Variants in CSMD2 observed in about 807,000 individuals in gnomAD.
CSMD2 encodes the protein CUB and Sushi multiple domains 2.
A neutral mutation model predicts 398.5 loss-of-function variants in CSMD2; 130 were observed. That is an observed-to-expected ratio of 0.33 (90% CI 0.28 to 0.38). The LOEUF (loss-of-function observed/expected upper bound fraction) is 0.38. Among genes scored for constraint, CSMD2 ranks in the 10% least tolerant of loss-of-function variants. The pLI is 1.00. For missense variants in CSMD2, 3,829 were observed against 4,764.9 expected (o/e 0.80, Z 5.78); for synonymous variants, 1,828 against 1,908.5 (o/e 0.96, Z 1.10).
In CSMD2 at chr1:33,714,789, A is replaced by G. The variant is rs758097308; in HGVS notation, c.3218-14T>C. 2 of 1,613,168 alleles carry G rather than the reference A, an allele frequency of 1.2e-6. No homozygotes were observed. Among genetic ancestry groups the G allele is most frequent in the Middle Eastern group, 1.7e-4 (1 of 6,044 alleles). Reference sequence around the variant, plus strand: ...CCAAGTCGTACTCTGGAAAGGTAGCAGGAGATCCGGGCTCAGAGACATTGC... The same window carrying G: ...CCAAGTCGTACTCTGGAAAGGTAGCGGGAGATCCGGGCTCAGAGACATTGC... On this transcript the variant is annotated splice_polypyrimidine_tract_variant and intron_variant, in intron 20 of 70. Coordinates refer to ENST00000373381, the MANE Select transcript of CSMD2 (RefSeq NM_001281956.2).
chr1:33,899,605 C>A (rs1642618003), intron 5 of CSMD2, among the ~76,000 whole-genome samples: 1 of 152,130 alleles, frequency 6.6e-6, no homozygotes, highest in African/African-American at 2.4e-5. Flanking sequence ...CCAGAAAAAT[C>A]ACCTTAGGAG....
upstream of CSMD2, among the ~76,000 whole-genome samples, chr1:34,165,461 TAAACCAC>T (rs1308718987): frequency 6.6e-6 from 1 of 152,242 alleles, no homozygotes; most frequent in Non-Finnish European, 1.5e-5. Context: ...CACCTCCAGA[TAAACCAC>T]AAATTACATC....
rs1655359207 is a variant in CSMD2 at position 34,068,444 on chromosome 1, A to G, written c.404+20533T>C. On this transcript the variant is annotated intron_variant, in intron 2 of 70. Coordinates refer to ENST00000373381, the MANE Select transcript of CSMD2 (RefSeq NM_001281956.2). ...AATACAAAAGATTAAAAAATTATTC[A>G]TAATCAAGCCATCCTCATACCCATG... 3.3e-5 allele frequency among the ~76,000 whole-genome samples: 5 copies of G among 152,264 alleles called. No individual in the cohort carries two copies. In the South Asian group the frequency reaches 1.0e-3, roughly 31 times the overall value.
chr1:33,693,035 CTCA>C lies in CSMD2; in HGVS notation c.3944_3946del (p.Val1315_Arg1316delinsGly). ...CAGCACCTGCCCCGACACCTCTCCT[CTCA>C]CTGTCCCTCCACACTCGGCTGAAAG... On this transcript the variant is annotated inframe_deletion, in exon 25 of 71. Coordinates refer to ENST00000373381, the MANE Select transcript of CSMD2 (RefSeq NM_001281956.2). The C allele has an allele frequency of 6.2e-7, 1 of 1,601,452 alleles. No homozygotes were observed. The highest frequency in any genetic ancestry group is 1.1e-5 in the South Asian group (1 of 88,916).
chr1:34,016,476 C>T (rs1453380676), intron 3 of CSMD2, among the ~76,000 whole-genome samples: 4 of 152,142 alleles, frequency 2.6e-5, no homozygotes, highest in Admixed American at 1.3e-4. Flanking sequence ...CTGCTAAGGA[C>T]ATGAACTCAT....
intron 5 of CSMD2, among the ~76,000 whole-genome samples, chr1:33,888,291 G>A (rs531878490): frequency 5.3e-5 from 8 of 152,188 alleles, no homozygotes; most frequent in African/African-American, 1.7e-4. Context: ...AAAAGTAAAC[G>A]CACAACAATT....
intron 64 of CSMD2, among the ~76,000 whole-genome samples, chr1:33,531,925 T>A (rs971108002): frequency 3.9e-5 from 6 of 152,226 alleles, no homozygotes; most frequent in Admixed American, 3.9e-4. Flanking sequence ...TAAACATAAC[T>A]AATGCCACTG....
In CSMD2 at chr1:33,743,190, C is replaced by T. The variant is rs1252444871; in HGVS notation, c.2173+90G>A. ...TGCCCTGGGAACTGCCCCATCCACA[C>T]CTCCTCCTCCCTCCATGGGAGCACC... On this transcript the variant is annotated intron_variant, in intron 14 of 70. Coordinates refer to ENST00000373381, the MANE Select transcript of CSMD2 (RefSeq NM_001281956.2). The T allele has an allele frequency of 9.8e-6, 11 of 1,122,346 alleles. No homozygotes were observed. In the East Asian group the frequency reaches 1.0e-4, roughly 10 times the overall value. 69.5% of individuals were successfully genotyped at this position (1,122,346 alleles called of 1,614,324 possible). A position where few individuals can be genotyped will look rare whatever the true frequency, so the allele number is the denominator to read the frequency against.
At chr1:34,130,999 G>T (rs1663287034) in intron 1 of CSMD2, among the ~76,000 whole-genome samples, 1 of 152,078 alleles carries the variant, frequency 6.6e-6, no homozygotes, top group Admixed American at 6.5e-5. Flanking sequence ...CATATAGTAG[G>T]TGTTCAATAA....
At chr1:33,784,214 C>A (rs564403645) in intron 12 of CSMD2, among the ~76,000 whole-genome samples, 2 of 152,148 alleles carry the variant, frequency 1.3e-5, no homozygotes, top group South Asian at 4.1e-4. Flanking sequence ...AGGATAGACT[C>A]TGAGGGGCAG....
chr1:34,165,268 C>A, upstream of CSMD2: 1 of 1,185,378 alleles, frequency 8.4e-7, no homozygotes, highest in East Asian at 3.7e-5. Context: ...AGGCGCGCTG[C>A]GCTCTCGGAA....
intron 2 of CSMD2, among the ~76,000 whole-genome samples, chr1:34,066,403 C>T (rs1446157355): frequency 6.6e-6 from 1 of 152,188 alleles, no homozygotes. Flanking sequence ...TCCTCTCCCT[C>T]AGCGTTCCCT....
chr1:33,918,035 T>A lies in CSMD2; in HGVS notation c.920+59A>T, dbSNP rs1643814134. The A allele has an allele frequency of 2.6e-6, 4 of 1,511,258 alleles. No individual in the cohort carries two copies. In the South Asian group the frequency reaches 4.6e-5, roughly 17 times the overall value. The allele number at this position is 1,511,258 out of a possible 1,614,324, so 93.6% of individuals were successfully genotyped here. On this transcript the variant is annotated intron_variant, in intron 5 of 70. Transcript: ENST00000373381. ...CCAGGCACTGAGGAGACTGCAAGCA[T>A]CCCAGTAATTCACAGTTGCAGAGAA...
intron 2 of CSMD2, among the ~76,000 whole-genome samples, chr1:34,038,064 G>T (rs4653381): frequency 0.09 from 13,625 of 152,132 alleles, 777 homozygotes; most frequent in East Asian, 0.2. Flanking sequence ...TGGGGGAGGG[G>T]ATGGGAAATT....
rs112908856 is a variant in CSMD2 at position 33,978,723 on chromosome 1, G to A, written c.518-42769C>T. 2.0e-3 allele frequency among the ~76,000 whole-genome samples: 298 copies of A among 152,236 alleles called. 1 individual carries two copies. Among genetic ancestry groups the A allele is most frequent in the African/African-American group, 6.3e-3 (263 of 41,532 alleles). On this transcript the variant is annotated intron_variant, in intron 3 of 70. Transcript: ENST00000373381. ...GCTGGGATGATGCAAGGATGCTTAC[G>A]AGCCACCTAGCCCTGGCACAGACCC...
At chr1:33,659,896 C>T (rs1644075341) in intron 26 of CSMD2, among the ~76,000 whole-genome samples, 1 of 152,246 alleles carries the variant, frequency 6.6e-6, no homozygotes, top group South Asian at 2.1e-4. Flanking sequence ...CACAGGCACA[C>T]TCATTTGTTT....
At chr1:34,034,320 C>T (rs12035559) in intron 2 of CSMD2, among the ~76,000 whole-genome samples, 15,623 of 151,946 alleles carry the variant, frequency 0.1, 1,332 homozygotes, top group East Asian at 0.38. Context: ...TTTTTATGGA[C>T]GGATTCAGGG....
intron 44 of CSMD2, among the ~76,000 whole-genome samples, chr1:33,592,715 C>T (rs143140586): frequency 1.0e-3 from 156 of 152,120 alleles, no homozygotes; most frequent in African/African-American, 3.4e-3. Flanking sequence ...TTTTGGAGGC[C>T]GAGGTGGGCG....
At chr1:33,797,683 G>C (rs1655111154) in intron 10 of CSMD2, among the ~76,000 whole-genome samples, 1 of 152,120 alleles carries the variant, frequency 6.6e-6, no homozygotes, top group African/African-American at 2.4e-5. Flanking sequence ...CCCAGCAGGG[G>C]GTCAGGAAAC....
Sources: allele counts gnomAD v4.1 joint callset (sites outside exome capture counted in the v4.1 genomes callset), GRCh38; gene constraint gnomAD v4.1.1; transcripts MANE v1.5; gene names NCBI Gene and HGNC (gene_info 2026-07-23, HGNC 2026-07-21).